BMPR1A: variants seen among roughly 807,000 people sequenced by gnomAD.
BMPR1A encodes bone morphogenetic protein receptor type 1A.
In BMPR1A, 7 loss-of-function variants were observed where a neutral mutation model predicts 66.0. The observed-to-expected ratio is 0.11, with a 90% CI of 0.06 to 0.20. The LOEUF (loss-of-function observed/expected upper bound fraction) is 0.20. Among genes scored for constraint, BMPR1A ranks in the 10% least tolerant of loss-of-function variants. The probability of loss-of-function intolerance (pLI) is 1.00; values close to 1 mark genes in which losing one functional copy is unlikely to be tolerated. For missense variants in BMPR1A, 408 were observed against 669.1 expected (o/e 0.61, Z 4.31); for synonymous variants, 200 against 229.7 (o/e 0.87, Z 1.17).
At chr10:86,807,982 G>T (rs1178367546) in intron 1 of BMPR1A, among the ~76,000 whole-genome samples, 1 of 152,184 alleles carries the variant, frequency 6.6e-6, no homozygotes, top group Non-Finnish European at 1.5e-5. Flanking sequence ...GGTCAGGCTG[G>T]TCTTGAATTC....
chr10:86,819,341 C>T (rs1015542640), intron 1 of BMPR1A, among the ~76,000 whole-genome samples: 3 of 152,046 alleles, frequency 2.0e-5, no homozygotes, highest in Non-Finnish European at 2.9e-5. Flanking sequence ...TTTTGAGTCT[C>T]GCTCTGTCTC....
intron 1 of BMPR1A, among the ~76,000 whole-genome samples, chr10:86,828,791 A>AT (rs1172778918): frequency 1.4e-5 from 2 of 142,316 alleles, no homozygotes; most frequent in Non-Finnish European, 3.1e-5. Flanking sequence ...TGTATAAAAA[A>AT]AAAATATATA....
intron 1 of BMPR1A, among the ~76,000 whole-genome samples, chr10:86,785,720 A>T (rs1841505290): frequency 6.6e-6 from 1 of 152,158 alleles, no homozygotes; most frequent in South Asian, 2.1e-4. Context: ...GGGGATACTG[A>T]AATCTCCTGC....
intron 2 of BMPR1A, among the ~76,000 whole-genome samples, chr10:86,874,949 TCCTGACTTCACTTCAGGTGATCTGCCCA>T (rs1842901925): frequency 1.3e-5 from 2 of 149,460 alleles, no homozygotes; most frequent in African/African-American, 4.9e-5. Flanking sequence ...GGTCTTGAAC[TCCTGACTTCACTTCAGGTGATCTGCCCA>T]CCTTGGCCTC....
intron 2 of BMPR1A, among the ~76,000 whole-genome samples, chr10:86,869,723 C>T (rs1842830490): frequency 6.6e-6 from 1 of 150,814 alleles, no homozygotes; most frequent in Non-Finnish European, 1.5e-5. Flanking sequence ...CGCCATTGCA[C>T]TGCAGCCTGG....
At chr10:86,849,605 A>C (rs561450113) in intron 2 of BMPR1A, among the ~76,000 whole-genome samples, 1 of 152,364 alleles carries the variant, frequency 6.6e-6, no homozygotes. Flanking sequence ...AGTAAGTATA[A>C]GCTTCTAGAA....
rs1843718310 is a variant in BMPR1A at position 86,924,896 on chromosome 10, A to C, written c.*1177A>C. 4.3e-6 allele frequency: 1 copy of C among 232,112 alleles called. No homozygotes were observed. The highest frequency in any genetic ancestry group is 8.5e-6 in the Non-Finnish European group (1 of 117,452). The allele number at this position is 232,112 out of a possible 1,614,324, so 14.4% of individuals were successfully genotyped here. On this transcript the variant is annotated 3_prime_UTR_variant, in exon 13 of 13. Transcript: ENST00000372037. ...ATTAATGCATTCAAAGTAATATATC[A>C]AATCCAGGACTTTGTTAACTTCAGG...
At chr10:86,809,072 G>GA (rs1841930656) in intron 1 of BMPR1A, among the ~76,000 whole-genome samples, 1 of 152,004 alleles carries the variant, frequency 6.6e-6, no homozygotes, top group Admixed American at 6.6e-5. Flanking sequence ...CATTCATTGT[G>GA]AAAAATCTCA....
At chr10:86,791,612 G>GA (rs960991937) in intron 1 of BMPR1A, among the ~76,000 whole-genome samples, 62 of 137,722 alleles carry the variant, frequency 4.5e-4, no homozygotes, top group East Asian at 1.5e-3. Context: ...AACTAATGAA[G>GA]AAAAAAAAAA....
At chr10:86,915,026 T>A (rs1473879116) in intron 8 of BMPR1A, among the ~76,000 whole-genome samples, 3 of 152,148 alleles carry the variant, frequency 2.0e-5, no homozygotes, top group Non-Finnish European at 2.9e-5. Flanking sequence ...TACTCATCAG[T>A]AAAAAGGAAC....
At chr10:86,851,691 A>G (rs1020364712) in intron 2 of BMPR1A, among the ~76,000 whole-genome samples, 3 of 152,206 alleles carry the variant, frequency 2.0e-5, no homozygotes, top group African/African-American at 7.2e-5. Context: ...GCAAAGAACA[A>G]CGAAGACACA....
At chr10:86,837,148 T>C (rs1486830343) in intron 1 of BMPR1A, among the ~76,000 whole-genome samples, 1 of 152,194 alleles carries the variant, frequency 6.6e-6, no homozygotes, top group Admixed American at 6.6e-5. Flanking sequence ...TAAATGGTGC[T>C]GTAATAAACA....
At position 86,921,588 on chromosome 10, in the gene BMPR1A, T is replaced by C. The variant is rs576247658; in HGVS notation, c.1235T>C (p.Val412Ala). Reference protein sequence around the residue: ...VGTKRYMAPEVLDESLNKNHF... With the variant: ...VGTKRYMAPEALDESLNKNHF... ...ACCAAACGCTACATGGCTCCCGAAGTGCTGGACGAAAGCCTGAACAAAAAC... is the reference window on the plus strand; with the variant it reads ...ACCAAACGCTACATGGCTCCCGAAGCGCTGGACGAAAGCCTGAACAAAAAC... Residue 412 changes from valine to alanine, a missense_variant, in exon 11 of 13, where the codon GTG becomes GCG. Coordinates refer to ENST00000372037, the MANE Select transcript of BMPR1A (RefSeq NM_004329.3). 33 of 1,614,164 alleles carry C rather than the reference T, an allele frequency of 2.0e-5. No homozygotes were observed. In the African/African-American group the frequency reaches 4.0e-4, roughly 20 times the overall value.
chr10:86,899,723 A>G lies in BMPR1A; in HGVS notation c.334-71A>G, dbSNP rs1464159501. The stretch of plus-strand genomic sequence containing the variant: ...CTCACTGAAATAGAAATTGTATTTT[A>G]TGAATACTAAAAAGACATATCAGTT... On this transcript the variant is annotated intron_variant, in intron 5 of 12. Coordinates refer to ENST00000372037, the MANE Select transcript of BMPR1A (RefSeq NM_004329.3). 4.1e-6 allele frequency: 6 copies of G among 1,448,740 alleles called. No individual in the cohort carries two copies. The African/African-American group carries it at 7.0e-5, about 17-fold the overall frequency. The allele number at this position is 1,448,740 out of a possible 1,614,324, so 89.7% of individuals were successfully genotyped here.
At chr10:86,778,516 T>C (rs1359939494) in intron 1 of BMPR1A, among the ~76,000 whole-genome samples, 1 of 152,130 alleles carries the variant, frequency 6.6e-6, no homozygotes, top group East Asian at 1.9e-4. Flanking sequence ...AGCCAAAAGA[T>C]TGGATACCCC....
intron 7 of BMPR1A, among the ~76,000 whole-genome samples, chr10:86,900,508 T>G (rs986564160): frequency 4.0e-5 from 6 of 151,714 alleles, no homozygotes; most frequent in Non-Finnish European, 8.8e-5. Flanking sequence ...CAGAAGACAG[T>G]TGCCAAAAAA....
At chr10:86,896,058 G>A (rs1564716606) in intron 5 of BMPR1A, among the ~76,000 whole-genome samples, 2 of 151,952 alleles carry the variant, frequency 1.3e-5, no homozygotes, top group Non-Finnish European at 1.5e-5. Context: ...GGAGGCTGAG[G>A]CAGGAGAATC....
At chr10:86,908,093 G>T (rs1419733792) in intron 7 of BMPR1A, among the ~76,000 whole-genome samples, 1 of 152,104 alleles carries the variant, frequency 6.6e-6, no homozygotes, top group Non-Finnish European at 1.5e-5. Flanking sequence ...GGTCCCAGCT[G>T]CTGGGGAGGC....
At chr10:86,826,705 C>T (rs149772578) in intron 1 of BMPR1A, among the ~76,000 whole-genome samples, 38 of 150,608 alleles carry the variant, frequency 2.5e-4, no homozygotes, top group Middle Eastern at 6.8e-3. Context: ...GTTTTTTTTC[C>T]GCTGTATAAT....
Sources: allele counts gnomAD v4.1 joint callset (sites outside exome capture counted in the v4.1 genomes callset), GRCh38; gene constraint gnomAD v4.1.1; transcripts MANE v1.5; gene names NCBI Gene and HGNC (gene_info 2026-07-23, HGNC 2026-07-21).